Variants in ACACB observed in about 807,000 individuals in gnomAD.
The protein encoded by ACACB is acetyl-CoA carboxylase 2.
In ACACB, 209 loss-of-function variants were observed where a neutral mutation model predicts 278.8. The ratio of observed to expected loss-of-function variants is 0.75; its 90% CI spans 0.67 to 0.84. The LOEUF is 0.84. ACACB is among the 40% of genes least tolerant of loss of function. ACACB has a pLI of 0.00. For missense variants in ACACB, 2,850 were observed against 3,269.0 expected, an observed-to-expected ratio of 0.87 and a Z score of 3.13; for synonymous variants, 1,174 against 1,285.6, an observed-to-expected ratio of 0.91 and a Z score of 1.86.
intron 4 of ACACB, among the ~76,000 whole-genome samples, chr12:109,170,793 G>GT (rs71079532): frequency 4.9e-4 from 56 of 114,930 alleles, no homozygotes; most frequent in Admixed American, 4.2e-3. Flanking sequence ...TTTTGTGTGT[G>GT]TTTTTTTTTT....
intron 34 of ACACB, 96 bp downstream of exon 34, chr12:109,237,476 A>G: frequency 1.5e-6 from 2 of 1,305,106 alleles, no homozygotes; most frequent in Non-Finnish European, 2.1e-6. Context: ...CATGCTGGGG[A>G]TGGAGAGTAC....
intron 26 of ACACB, among the ~76,000 whole-genome samples, chr12:109,223,486 G>C (rs2046233808): frequency 6.6e-6 from 1 of 152,136 alleles, no homozygotes; most frequent in Non-Finnish European, 1.5e-5. Context: ...GGCTGGGCAC[G>C]GTGGCTCATG....
intron 8 of ACACB, 51 bp from the exon 9 acceptor site, chr12:109,176,102 A>T: frequency 1.2e-6 from 2 of 1,611,234 alleles, no homozygotes; most frequent in Non-Finnish European, 1.7e-6. Context: ...TCCTGGTAGC[A>T]GTTGGCAACT....
intron 2 of ACACB, among the ~76,000 whole-genome samples, chr12:109,154,189 C>G (rs1565868053): frequency 6.6e-6 from 1 of 152,196 alleles, no homozygotes; most frequent in Non-Finnish European, 1.5e-5. Context: ...TCCTCCCTGT[C>G]CTGGAGGCAC....
At chr12:109,184,886 T>G (rs2044600959) in intron 11 of ACACB, among the ~76,000 whole-genome samples, 1 of 151,752 alleles carries the variant, frequency 6.6e-6, no homozygotes, top group Admixed American at 6.6e-5. Flanking sequence ...TTTTTTTAAT[T>G]TTTTCTGTAG....
chr12:109,197,043 C>A lies in ACACB; in HGVS notation c.2517C>A (p.Ile839=). ...ARQSLTMFVL[I]MNGCHIEIDA... ...AGTCTCTGACCATGTTCGTTCTCAT[C>A]ATGAATGGCTGCCACATCGAGATTG... The change falls in exon 17 of 53, where the codon ATC becomes ATA. Residue 839 remains isoleucine, a synonymous_variant. Coordinates refer to ENST00000338432, the MANE Select transcript of ACACB (RefSeq NM_001093.4). The A allele has an allele frequency of 6.3e-7, 1 of 1,587,790 alleles. No homozygotes were observed. Among genetic ancestry groups the A allele is most frequent in the Non-Finnish European group, 8.5e-7 (1 of 1,169,610 alleles).
intron 22 of ACACB, among the ~76,000 whole-genome samples, chr12:109,215,915 G>A (rs1157159451): frequency 2.0e-5 from 3 of 151,958 alleles, no homozygotes; most frequent in Non-Finnish European, 4.4e-5. Flanking sequence ...TATCACCTCA[G>A]CCTCCTATGT....
At chr12:109,226,986 T>C (rs916722616) in intron 27 of ACACB, among the ~76,000 whole-genome samples, 1 of 152,056 alleles carries the variant, frequency 6.6e-6, no homozygotes, top group Non-Finnish European at 1.5e-5. Flanking sequence ...GATTTTTCTC[T>C]GTTGCCCAGG....
chr12:109,176,007 G>A lies in ACACB; in HGVS notation c.1293G>A (p.Lys431=), dbSNP rs759576583. Residue 431 remains lysine (K), a synonymous_variant, in exon 8 of 53, where the codon AAG becomes AAA. Transcript: ENST00000338432. The part of the protein sequence containing the change: ...RISVPEDVYD[K]GCVKDVDEGL... ...GTGTCCCAGAAGATGTTTATGACAA[G>A]GGTTGCGTGAAAGACGTAGATGAGG... 2.5e-6 allele frequency: 4 copies of A among 1,614,182 alleles called. No individual in the cohort carries two copies. Among genetic ancestry groups the A allele is most frequent in the Admixed American group, 3.3e-5 (2 of 60,012 alleles).
intron 21 of ACACB, 51 bp downstream of exon 21, chr12:109,209,404 C>T (rs974173286): frequency 1.3e-5 from 20 of 1,545,440 alleles, no homozygotes; most frequent in African/African-American, 4.1e-5. Flanking sequence ...CACACTGGGC[C>T]GGCTCCCGGT....
chr12:109,170,663 G>A (rs1289226797), intron 4 of ACACB, among the ~76,000 whole-genome samples: 1 of 152,090 alleles, frequency 6.6e-6, no homozygotes, highest in East Asian at 1.9e-4. Flanking sequence ...GAGAGAAAGG[G>A]AGTTGTTCAT....
intron 32 of ACACB, 25 bp downstream of exon 32, chr12:109,235,394 A>C: frequency 6.2e-7 from 1 of 1,604,552 alleles, no homozygotes; most frequent in Non-Finnish European, 8.5e-7. Context: ...CATCTCTATG[A>C]GTCTTTCCCA....
intron 26 of ACACB, 33 bp from the exon 27 acceptor site, chr12:109,223,782 C>G (rs746779612): frequency 6.3e-7 from 1 of 1,578,776 alleles, no homozygotes; most frequent in Non-Finnish European, 8.7e-7. Flanking sequence ...TTCACATTTA[C>G]TTTTCCTTGT....
chr12:109,134,323 T>C (rs75397988), intron 1 of ACACB, among the ~76,000 whole-genome samples: 2,016 of 152,308 alleles, frequency 0.013, 61 homozygotes, highest in African/African-American at 0.045. Flanking sequence ...GCCGAATTTC[T>C]AAAGCATTTG....
intron 47 of ACACB, chr12:109,260,269 G>T (rs1201222059): frequency 2.5e-6 from 3 of 1,218,958 alleles, no homozygotes; most frequent in Non-Finnish European, 3.5e-6. Context: ...TGCCTTCACA[G>T]ATGAGGCCAC....
At position 109,254,332 on chromosome 12, in the gene ACACB, C is replaced by T; in HGVS notation, c.6164C>T (p.Pro2055Leu). Residue 2055 changes from proline to leucine, a missense_variant and splice_region_variant, in exon 44 of 53, where the codon CCA becomes CTA. Physicochemically the swap from Pro to Leu is moderately conservative, Grantham distance 98. Around this residue, in one of 3 missense-constraint regions of ACACB, gnomAD observed 579 missense variants for 684.6 expected, o/e 0.85. Coordinates refer to ENST00000338432, the MANE Select transcript of ACACB (RefSeq NM_001093.4). ...PRWMLAGRPHPTLKGTWQSGF... is the reference protein window; with the variant it reads ...PRWMLAGRPHLTLKGTWQSGF... ...TGGATGCTTGCAGGAAGGCCTCACC[C>T]AAGTAAGTTCTAAAGTATTTTGCCT... is the stretch of plus-strand genomic sequence containing the variant. 8.1e-6 allele frequency: 13 copies of T among 1,611,520 alleles called. No homozygotes were observed. The highest frequency in any genetic ancestry group is 1.3e-5 in the African/African-American group (1 of 74,776).
chr12:109,254,251 A>T lies in ACACB; in HGVS notation c.6083A>T (p.Asp2028Val). ...HSPVPIITPT[D>V]PIDREIEFLP... ...CCTGTCCCTATCATCACACCCACTGACCCCATTGACAGAGAAATTGAATTC... is the reference window on the plus strand; with the variant it reads ...CCTGTCCCTATCATCACACCCACTGTCCCCATTGACAGAGAAATTGAATTC... Residue 2028 changes from aspartate to valine, a missense_variant, in exon 44 of 53, where the codon GAC becomes GTC. This residue lies in a region of ACACB where 579 missense variants were observed against 684.6 expected (regional missense o/e 0.85). Transcript: ENST00000338432. 2 of 1,613,438 alleles carry T rather than the reference A, an allele frequency of 1.2e-6. No homozygotes were observed. Among genetic ancestry groups the T allele is most frequent in the Non-Finnish European group, 1.7e-6 (2 of 1,179,678 alleles).
chr12:109,220,985 C>G (rs1288833524), intron 24 of ACACB, among the ~76,000 whole-genome samples: 1 of 152,156 alleles, frequency 6.6e-6, no homozygotes, highest in East Asian at 1.9e-4. Context: ...TTGAGTTTTT[C>G]ACCTCTTAGA....
intron 34 of ACACB, among the ~76,000 whole-genome samples, chr12:109,237,711 A>T (rs2046672031): frequency 6.6e-6 from 1 of 152,098 alleles, no homozygotes; most frequent in Non-Finnish European, 1.5e-5. Context: ...TGTTTCTTGC[A>T]TTTAGAAAAG....
Sources: gnomAD v4.1 joint callset for allele counts (sites outside exome capture counted in the v4.1 genomes callset) on GRCh38, gnomAD v4.1.1 for gene constraint, gnomAD v4.1.1 regional missense constraint, MANE v1.5 for transcripts, NCBI Gene and HGNC (gene_info 2026-07-23, HGNC 2026-07-21) for gene names.